The following NLGN1 variants were observed in gnomAD, a reference collection of about 807,000 sequenced individuals.
NLGN1 encodes the protein neuroligin 1.
NLGN1 carries 12 observed loss-of-function variants against 65.5 expected under a neutral mutation model. That is an observed-to-expected ratio of 0.18 (90% CI 0.12 to 0.30). NLGN1 has a LOEUF of 0.30. Among genes scored for constraint, NLGN1 ranks in the 10% least tolerant of loss-of-function variants. The pLI is 1.00. For missense variants in NLGN1, 750 were observed against 1,007.1 expected (o/e 0.74, Z 3.46); for synonymous variants, 350 against 359.5 (o/e 0.97, Z 0.30).
At chr3:173,459,467 C>T (rs1448757340) in intron 2 of NLGN1, among the ~76,000 whole-genome samples, 1 of 152,028 alleles carries the variant, frequency 6.6e-6, no homozygotes, top group Non-Finnish European at 1.5e-5. Flanking sequence ...CATTTCTTTG[C>T]TTAATCAGAG....
chr3:173,753,610 C>T (rs1776631079), intron 3 of NLGN1, among the ~76,000 whole-genome samples: 2 of 152,084 alleles, frequency 1.3e-5, no homozygotes, highest in Non-Finnish European at 2.9e-5. Flanking sequence ...ATTCTTGTAC[C>T]TCTAGGGCTA....
At chr3:173,556,087 G>A (rs1244039315) in intron 2 of NLGN1, among the ~76,000 whole-genome samples, 1 of 151,996 alleles carries the variant, frequency 6.6e-6, no homozygotes, top group Admixed American at 6.6e-5. Flanking sequence ...TTCACCTAAC[G>A]TCCCTACTAT....
At chr3:173,455,612 T>G (rs768924130) in intron 2 of NLGN1, among the ~76,000 whole-genome samples, 5 of 152,052 alleles carry the variant, frequency 3.3e-5, no homozygotes, top group Non-Finnish European at 5.9e-5. Context: ...ACTTGGTTGA[T>G]ATGTGGTTGC....
chr3:173,897,214 A>G (rs1047937488), intron 4 of NLGN1, among the ~76,000 whole-genome samples: 2 of 152,174 alleles, frequency 1.3e-5, no homozygotes, highest in Admixed American at 6.5e-5. Flanking sequence ...ATTCCCCAAG[A>G]TTCACTTTCA....
intron 3 of NLGN1, among the ~76,000 whole-genome samples, chr3:173,670,614 G>A (rs1423030661): frequency 2.6e-5 from 4 of 152,086 alleles, no homozygotes; most frequent in African/African-American, 7.2e-5. Context: ...TGTCAGTACT[G>A]AAGGTATACT....
chr3:173,653,701 T>A (rs1344478537), intron 3 of NLGN1, among the ~76,000 whole-genome samples: 2 of 152,174 alleles, frequency 1.3e-5, no homozygotes, highest in African/African-American at 4.8e-5. Context: ...TGATTTCCCC[T>A]CCCTGGAGTC....
chr3:173,564,141 C>T (rs1369695753), intron 2 of NLGN1, among the ~76,000 whole-genome samples: 1 of 152,198 alleles, frequency 6.6e-6, no homozygotes, highest in Non-Finnish European at 1.5e-5. Flanking sequence ...GCCATAGGGC[C>T]TCTGCACTCA....
At chr3:174,078,534 C>A (rs1183035274) in intron 4 of NLGN1, among the ~76,000 whole-genome samples, 1 of 151,924 alleles carries the variant, frequency 6.6e-6, no homozygotes, top group African/African-American at 2.4e-5. Context: ...AGTATATAGA[C>A]ATTTTAAAAA....
In NLGN1 at chr3:173,781,227, C is replaced by T. The variant is rs149882140; in HGVS notation, c.494-26453C>T. ...ATTTCTCCATGTCACATACTGTACT[C>T]ATACCCTAGAGAAAAAGCATTTAAA... On this transcript the variant is annotated intron_variant, in intron 3 of 6. Transcript: ENST00000457714. Among the ~76,000 whole-genome samples, 237 of 151,584 alleles carry T rather than the reference C, an allele frequency of 1.6e-3. 1 individual carries two copies. Among genetic ancestry groups the T allele is most frequent in the African/African-American group, 5.2e-3 (214 of 41,356 alleles).
chr3:173,476,373 TAAAAC>T (rs1726212130), intron 2 of NLGN1, among the ~76,000 whole-genome samples: 1 of 152,216 alleles, frequency 6.6e-6, no homozygotes, highest in East Asian at 1.9e-4. Context: ...TTTTAGGAGT[TAAAAC>T]AATCAGGCAA....
intron 3 of NLGN1, among the ~76,000 whole-genome samples, chr3:173,760,762 A>G (rs2150206504): frequency 6.6e-6 from 1 of 152,202 alleles, no homozygotes; most frequent in Admixed American, 6.6e-5. Context: ...CATATAAAAG[A>G]CAGCTTATTC....
At chr3:174,039,348 T>A (rs1181412785) in intron 4 of NLGN1, among the ~76,000 whole-genome samples, 1 of 152,120 alleles carries the variant, frequency 6.6e-6, no homozygotes, top group Non-Finnish European at 1.5e-5. Context: ...GGTGGTTTGC[T>A]GCACCTCTCA....
At chr3:173,691,762 A>G (rs1215206088) in intron 3 of NLGN1, among the ~76,000 whole-genome samples, 1 of 152,058 alleles carries the variant, frequency 6.6e-6, no homozygotes, top group Non-Finnish European at 1.5e-5. Flanking sequence ...TTGCTTCTAA[A>G]TGTTACTGAA....
rs372612795 is a variant in NLGN1, at chr3:174,124,370, T to C, written c.647-150945T>C. Among the ~76,000 whole-genome samples, 4 of 151,936 alleles carry C rather than the reference T, an allele frequency of 2.6e-5. No homozygotes were observed. In the East Asian group the frequency reaches 7.7e-4, roughly 29 times the overall value. Reference sequence around the variant, plus strand: ...AAAGATATTTCTTGAGCACCTGTTTTGTACAAGCCTGATACTAATTTATGG... The same window carrying C: ...AAAGATATTTCTTGAGCACCTGTTTCGTACAAGCCTGATACTAATTTATGG... On this transcript the variant is annotated intron_variant, in intron 4 of 6. Coordinates refer to ENST00000457714, the Ensembl canonical transcript of NLGN1.
intron 3 of NLGN1, among the ~76,000 whole-genome samples, chr3:173,686,520 G>T (rs1055662549): frequency 6.6e-6 from 1 of 152,026 alleles, no homozygotes; most frequent in African/African-American, 2.4e-5. Flanking sequence ...GCTCTCTGAG[G>T]ATTTTTAAGG....
intron 3 of NLGN1, among the ~76,000 whole-genome samples, chr3:173,793,438 G>A (rs931681957): frequency 4.6e-5 from 7 of 152,060 alleles, no homozygotes; most frequent in African/African-American, 1.7e-4. Flanking sequence ...AGGGAAAATG[G>A]GCTTTGAAGG....
Position 174,011,852 on chromosome 3 carries a change from C to G in NLGN1, c.646+204020C>G, listed in dbSNP as rs372024512. On this transcript the variant is annotated intron_variant, in intron 4 of 6. Transcript: ENST00000457714. The stretch of plus-strand genomic sequence containing the variant: ...AACAAAACCTAAGAAAAAACCTTCT[C>G]TCCTGGAATTTATAATTATTTCTCA... Among the ~76,000 whole-genome samples the G allele has an allele frequency of 4.9e-5, 7 of 144,080 alleles. 1 individual carries two copies. In the East Asian group the frequency reaches 1.1e-3, roughly 22 times the overall value. 94.5% of individuals were successfully genotyped at this position (144,080 alleles called of 152,430 possible).
At chr3:174,167,628 A>G (rs1316471012) in intron 4 of NLGN1, among the ~76,000 whole-genome samples, 1 of 121,354 alleles carries the variant, frequency 8.2e-6, no homozygotes, top group Non-Finnish European at 1.8e-5. Flanking sequence ...TGCCCTTAAG[A>G]TTTTTTTTTT....
chr3:173,900,423 A>C (rs2152174165), intron 4 of NLGN1, among the ~76,000 whole-genome samples: 1 of 152,192 alleles, frequency 6.6e-6, no homozygotes, highest in Non-Finnish European at 1.5e-5. Flanking sequence ...AGGAAAAGAA[A>C]GTAATTATTT....
Sources: gnomAD v4.1 joint callset for allele counts (sites outside exome capture counted in the v4.1 genomes callset) on GRCh38, gnomAD v4.1.1 for gene constraint, MANE v1.5 for transcripts, NCBI Gene and HGNC (gene_info 2026-07-23, HGNC 2026-07-21) for gene names.